Variants in MARCHF1 observed in about 807,000 individuals in gnomAD.
MARCHF1 encodes the protein E3 ubiquitin-protein ligase MARCHF1.
MARCHF1 carries 40 observed loss-of-function variants against 54.2 expected under a neutral mutation model. The ratio of observed to expected loss-of-function variants is 0.74; its 90% CI spans 0.57 to 0.96. The LOEUF is 0.96. Ranked by LOEUF, MARCHF1 falls within the 40% of genes least tolerant of loss-of-function variation. The probability of loss-of-function intolerance (pLI) is 0.00; values close to 1 mark genes in which losing one functional copy is unlikely to be tolerated. For missense variants in MARCHF1, 586 were observed against 656.5 expected (o/e 0.89, Z 1.17); for synonymous variants, 236 against 236.3 (o/e 1.00, Z 0.01).
intron 8 of MARCHF1, among the ~76,000 whole-genome samples, chr4:163,552,283 G>C (rs776663632): frequency 6.6e-6 from 1 of 152,156 alleles, no homozygotes; most frequent in Admixed American, 6.5e-5. Flanking sequence ...GTGAGGAATG[G>C]GCCATGTGTC....
At chr4:164,305,857 A>C (rs1734682470) in intron 1 of MARCHF1, among the ~76,000 whole-genome samples, 1 of 152,148 alleles carries the variant, frequency 6.6e-6, no homozygotes, top group Non-Finnish European at 1.5e-5. Context: ...ATGTATTGAC[A>C]TATCACTCTG....
chr4:164,131,890 G>T (rs1272097131), intron 1 of MARCHF1, among the ~76,000 whole-genome samples: 4 of 151,954 alleles, frequency 2.6e-5, no homozygotes, highest in Admixed American at 2.0e-4. Context: ...CTATTAAAAA[G>T]GCAAATGTAT....
At chr4:163,700,724 A>G in intron 5 of MARCHF1, 89 bp downstream of exon 5, 1 of 974,790 alleles carries the variant, frequency 1.0e-6, no homozygotes, top group Non-Finnish European at 1.6e-6. Flanking sequence ...CTGCTCACAG[A>G]TAACAATTAT....
At chr4:163,829,865 C>G (rs1259622734) in intron 4 of MARCHF1, among the ~76,000 whole-genome samples, 1 of 152,174 alleles carries the variant, frequency 6.6e-6, no homozygotes, top group African/African-American at 2.4e-5. Flanking sequence ...AGATAAGCTT[C>G]TCACCTTTCC....
At chr4:163,700,380 C>A (rs561088952) in intron 5 of MARCHF1, among the ~76,000 whole-genome samples, 4 of 151,854 alleles carry the variant, frequency 2.6e-5, no homozygotes, top group Non-Finnish European at 2.9e-5. Context: ...TGGTGGGCAC[C>A]GGTAATCCCA....
chr4:163,921,929 T>C (rs1037042042), intron 3 of MARCHF1, among the ~76,000 whole-genome samples: 1 of 152,264 alleles, frequency 6.6e-6, no homozygotes, highest in Non-Finnish European at 1.5e-5. Context: ...CATATGTTTA[T>C]TGCGGCACTA....
intron 2 of MARCHF1, among the ~76,000 whole-genome samples, chr4:164,064,495 G>C (rs113344906): frequency 6.6e-6 from 1 of 152,102 alleles, no homozygotes; most frequent in African/African-American, 2.4e-5. Context: ...TTTGCATGTC[G>C]ATTTTGTATC....
intron 1 of MARCHF1, among the ~76,000 whole-genome samples, chr4:164,337,116 A>G (rs4482717): frequency 0.1 from 15,747 of 152,102 alleles, 1,390 homozygotes; most frequent in East Asian, 0.29. Flanking sequence ...GTTTTGGAGT[A>G]CTTGATACTG....
chr4:163,710,187 T>C (rs1745066291), intron 4 of MARCHF1, among the ~76,000 whole-genome samples: 1 of 152,120 alleles, frequency 6.6e-6, no homozygotes, highest in African/African-American at 2.4e-5. Context: ...CTTAGGACTT[T>C]TCCCTAAGTA....
intron 1 of MARCHF1, among the ~76,000 whole-genome samples, chr4:164,210,505 G>A (rs904596692): frequency 1.3e-5 from 2 of 152,144 alleles, no homozygotes; most frequent in Admixed American, 6.5e-5. Context: ...TTACCCAGTT[G>A]GGTAAGTCAA....
chr4:163,751,008 A>C (rs111606299), intron 4 of MARCHF1, among the ~76,000 whole-genome samples: 84 of 152,326 alleles, frequency 5.5e-4, no homozygotes, highest in African/African-American at 1.9e-3. Flanking sequence ...AAAGATAATA[A>C]AATTTGCTTA....
chr4:164,217,983 T>A (rs2111139282), intron 1 of MARCHF1, among the ~76,000 whole-genome samples: 1 of 152,144 alleles, frequency 6.6e-6, no homozygotes, highest in African/African-American at 2.4e-5. Context: ...AAGGGAAGTA[T>A]TTCATCATAA....
At chr4:164,356,825 T>G (rs1484242464) in intron 1 of MARCHF1, among the ~76,000 whole-genome samples, 1 of 146,242 alleles carries the variant, frequency 6.8e-6, no homozygotes, top group African/African-American at 2.5e-5. Context: ...TCCATTGTAT[T>G]AGTTCTCTAT....
chr4:164,252,874 T>C (rs924556697), intron 1 of MARCHF1, among the ~76,000 whole-genome samples: 12 of 152,136 alleles, frequency 7.9e-5, no homozygotes, highest in African/African-American at 2.9e-4. Context: ...CTAAGATCTA[T>C]TTCTTAGCAG....
chr4:164,059,733 G>A (rs759271166), intron 2 of MARCHF1, among the ~76,000 whole-genome samples: 3 of 151,916 alleles, frequency 2.0e-5, no homozygotes, highest in Non-Finnish European at 1.5e-5. Context: ...CTTATTAAAG[G>A]AATCCTGAGT....
chr4:163,750,440 G>A (rs953484750), intron 4 of MARCHF1, among the ~76,000 whole-genome samples: 9 of 151,676 alleles, frequency 5.9e-5, no homozygotes, highest in Non-Finnish European at 1.3e-4. Context: ...GAACCCAGGA[G>A]GCGGAGGTTG....
intron 1 of MARCHF1, among the ~76,000 whole-genome samples, chr4:164,167,441 C>T (rs1730410548): frequency 6.6e-6 from 1 of 151,698 alleles, no homozygotes; most frequent in Non-Finnish European, 1.5e-5. Context: ...TCCTAAAATT[C>T]ATATGAAACC....
chr4:163,978,629 T>G (rs1752695839), intron 3 of MARCHF1, among the ~76,000 whole-genome samples: 1 of 152,186 alleles, frequency 6.6e-6, no homozygotes, highest in Admixed American at 6.6e-5. Context: ...AGATACATGC[T>G]TTTAACCACC....
chr4:163,746,525 C>T (rs1469533027), intron 4 of MARCHF1, among the ~76,000 whole-genome samples: 1 of 152,006 alleles, frequency 6.6e-6, no homozygotes, highest in African/African-American at 2.4e-5. Flanking sequence ...TGGTAAATAC[C>T]AACGAATGGA....
Sources: allele counts gnomAD v4.1 joint callset (sites outside exome capture counted in the v4.1 genomes callset), GRCh38; gene constraint gnomAD v4.1.1; transcripts MANE v1.5; gene names NCBI Gene and HGNC (gene_info 2026-07-23, HGNC 2026-07-21).